The following ZNF804B variants were observed in gnomAD, a reference collection of about 807,000 sequenced individuals.
The protein encoded by ZNF804B is zinc finger 804B.
A neutral mutation model predicts 101.4 loss-of-function variants in ZNF804B; 80 were observed. That is an observed-to-expected ratio of 0.79 (90% CI 0.66 to 0.95). The LOEUF (loss-of-function observed/expected upper bound fraction) is 0.95. Ranked by LOEUF, ZNF804B falls within the 40% of genes least tolerant of loss-of-function variation. The pLI is 0.00. For missense variants in ZNF804B, 1,673 were observed against 1,561.9 expected (o/e 1.07, Z -1.20); for synonymous variants, 622 against 558.8 (o/e 1.11, Z -1.59).
At chr7:89,298,141 A>ATCATATATATAGTATATATATATATT (rs1562940080) in intron 2 of ZNF804B, among the ~76,000 whole-genome samples, 5 of 87,144 alleles carry the variant, frequency 5.7e-5, no homozygotes, top group Non-Finnish European at 1.2e-4. Context: ...ATATATATAT[A>ATCATATATATAGTATATATATATATT]TCATATATAT....
intron 1 of ZNF804B, among the ~76,000 whole-genome samples, chr7:88,799,480 A>G (rs1279150132): frequency 6.6e-6 from 1 of 152,084 alleles, no homozygotes; most frequent in African/African-American, 2.4e-5. Context: ...ATCCATGACC[A>G]TAGTGTCATT....
At chr7:89,171,141 G>A (rs1486277299) in intron 1 of ZNF804B, among the ~76,000 whole-genome samples, 1 of 152,144 alleles carries the variant, frequency 6.6e-6, no homozygotes, top group Admixed American at 6.5e-5. Flanking sequence ...ATAACATGTG[G>A]TTATGGTGTG....
At chr7:89,112,829 C>T (rs572241186) in intron 1 of ZNF804B, among the ~76,000 whole-genome samples, 123 of 152,054 alleles carry the variant, frequency 8.1e-4, no homozygotes, top group African/African-American at 2.9e-3. Flanking sequence ...GCGTCTTGAC[C>T]CTCAGTTGGG....
At chr7:88,952,193 T>A (rs1793233957) in intron 1 of ZNF804B, among the ~76,000 whole-genome samples, 1 of 151,818 alleles carries the variant, frequency 6.6e-6, no homozygotes, top group Non-Finnish European at 1.5e-5. Flanking sequence ...TACATATCAG[T>A]ATGATTTGAC....
At chr7:88,882,202 G>A (rs2115909720) in intron 1 of ZNF804B, among the ~76,000 whole-genome samples, 1 of 152,124 alleles carries the variant, frequency 6.6e-6, no homozygotes, top group South Asian at 2.1e-4. Flanking sequence ...ATTAAAACAT[G>A]TATGCCTAAA....
chr7:89,015,085 C>G (rs1458278801), intron 1 of ZNF804B, among the ~76,000 whole-genome samples: 3 of 152,008 alleles, frequency 2.0e-5, no homozygotes, highest in Non-Finnish European at 4.4e-5. Context: ...CAAGTGTTCC[C>G]AGAACAACTT....
chr7:89,309,482 C>G (rs974784112), intron 2 of ZNF804B, among the ~76,000 whole-genome samples: 2 of 151,904 alleles, frequency 1.3e-5, no homozygotes, highest in Non-Finnish European at 2.9e-5. Context: ...TATGCAGAGG[C>G]CAGGCATGGT....
At chr7:89,216,283 G>T (rs1222714682) in intron 1 of ZNF804B, among the ~76,000 whole-genome samples, 2 of 152,244 alleles carry the variant, frequency 1.3e-5, no homozygotes, top group Non-Finnish European at 2.9e-5. Context: ...ACTCCAGCCT[G>T]CACGACAGAG....
intron 1 of ZNF804B, among the ~76,000 whole-genome samples, chr7:89,147,099 A>T (rs1021519118): frequency 2.7e-5 from 4 of 150,062 alleles, no homozygotes; most frequent in Non-Finnish European, 4.4e-5. Flanking sequence ...ATATATATAT[A>T]TATTTAATGT....
intron 1 of ZNF804B, among the ~76,000 whole-genome samples, chr7:88,930,716 A>G (rs1472065609): frequency 6.6e-6 from 1 of 151,928 alleles, no homozygotes; most frequent in African/African-American, 2.4e-5. Flanking sequence ...GGGTTCTTCA[A>G]GACAGCGTTC....
At chr7:89,322,278 A>G (rs571926865) in intron 2 of ZNF804B, among the ~76,000 whole-genome samples, 35 of 152,316 alleles carry the variant, frequency 2.3e-4, no homozygotes, top group African/African-American at 7.9e-4. Context: ...TCAAGTGCAC[A>G]TGGTATATTT....
chr7:88,816,444 C>A (rs930637630), intron 1 of ZNF804B, among the ~76,000 whole-genome samples: 1 of 152,212 alleles, frequency 6.6e-6, no homozygotes, highest in Non-Finnish European at 1.5e-5. Context: ...AGTGAACAGG[C>A]AACCTACAGA....
intron 1 of ZNF804B, among the ~76,000 whole-genome samples, chr7:88,845,276 TGCGCACGCGCGC>T (rs749129698): frequency 8.6e-4 from 120 of 138,832 alleles, no homozygotes; most frequent in Non-Finnish European, 1.3e-3. Context: ...TGCGCATGTG[TGCGCACGCGCGC>T]GCGCACGCGC....
intron 1 of ZNF804B, among the ~76,000 whole-genome samples, chr7:89,058,081 T>G (rs959295220): frequency 6.6e-5 from 10 of 152,128 alleles, no homozygotes; most frequent in African/African-American, 9.7e-5. Context: ...AACATTAACA[T>G]AGCAGCCCAT....
intron 1 of ZNF804B, among the ~76,000 whole-genome samples, chr7:88,837,448 A>T (rs1791230397): frequency 1.3e-5 from 2 of 151,986 alleles, no homozygotes. Flanking sequence ...TTAATAAAAC[A>T]TGTTAGTATT....
intron 1 of ZNF804B, among the ~76,000 whole-genome samples, chr7:89,021,813 T>A (rs985415650): frequency 6.6e-6 from 1 of 152,182 alleles, no homozygotes. Flanking sequence ...CAGAGCATAG[T>A]GCTCTCTAGA....
intron 1 of ZNF804B, among the ~76,000 whole-genome samples, chr7:89,132,162 GCACACATACA>G (rs72369892): frequency 0.13 from 11,470 of 87,622 alleles, 1,029 homozygotes; most frequent in African/African-American, 0.32. Flanking sequence ...GAGAACACAC[GCACACATACA>G]CACACACACA....
In ZNF804B at chr7:89,336,983, A is replaced by G; in HGVS notation, c.4001A>G (p.Gln1334Arg). 1 of 1,614,114 alleles carries G rather than the reference A, an allele frequency of 6.2e-7. No individual in the cohort carries two copies. The highest frequency in any genetic ancestry group is 8.5e-7 in the Non-Finnish European group (1 of 1,179,988). The change falls in exon 4 of 4, where the codon CAG (glutamine) becomes CGG (arginine). Residue 1334 changes from glutamine (Q) to arginine (R), a missense_variant. Physicochemically the swap from Gln to Arg is conservative, Grantham distance 43 (BLOSUM62 1). Transcript: ENST00000333190. ...CATTCTTGCTCTAGCCAGATGCAAC[A>G]GCTAAATGAAGTGAAAGAGGCCTTA... is the stretch of plus-strand genomic sequence containing the variant. ...CHHSCSSQMQ[Q>R]LNEVKEALNV... is the part of the protein sequence containing the mutation.
intron 1 of ZNF804B, among the ~76,000 whole-genome samples, chr7:88,855,710 T>A (rs1791545246): frequency 6.6e-6 from 1 of 152,180 alleles, no homozygotes; most frequent in Non-Finnish European, 1.5e-5. Flanking sequence ...ATTGCCTAGG[T>A]TTTCTTCTAG....
Sources: allele counts gnomAD v4.1 joint callset (sites outside exome capture counted in the v4.1 genomes callset), GRCh38; gene constraint gnomAD v4.1.1; transcripts MANE v1.5; gene names NCBI Gene and HGNC (gene_info 2026-07-23, HGNC 2026-07-21).